TXNDC8: variants seen among roughly 807,000 people sequenced by gnomAD.
The protein encoded by TXNDC8 is thioredoxin domain-containing protein 8.
In TXNDC8, 15 loss-of-function variants were observed where a neutral mutation model predicts 12.9. The observed-to-expected ratio is 1.16, with a 90% CI of 0.78 to 1.79. The LOEUF (loss-of-function observed/expected upper bound fraction) is 1.79. TXNDC8 is among the 40% of genes most tolerant of loss of function. The pLI is 0.00. For missense variants in TXNDC8, 128 were observed against 113.2 expected (o/e 1.13, Z -0.59); for synonymous variants, 40 against 35.4 (o/e 1.13, Z -0.46).
At chr9:110,321,177 A>G (rs2118804116) in intron 3 of TXNDC8, among the ~76,000 whole-genome samples, 1 of 152,338 alleles carries the variant, frequency 6.6e-6, no homozygotes, top group African/African-American at 2.4e-5. Flanking sequence ...AAAATAATGA[A>G]ACCATTCAAG....
intron 3 of TXNDC8, among the ~76,000 whole-genome samples, chr9:110,311,532 T>G (rs1177938566): frequency 9.4e-6 from 1 of 106,660 alleles, no homozygotes; most frequent in African/African-American, 5.3e-5. Flanking sequence ...TATATATATA[T>G]ATATATATAT....
chr9:110,331,552 G>C lies in TXNDC8; in HGVS notation c.129+2664C>G, dbSNP rs1430577943. On this transcript the variant is annotated intron_variant, in intron 2 of 4. Transcript: ENST00000423740. ...TCCTTTTCTAATTTGGTTCTAATGT[G>C]GTTTATGTTTCTTGCTTTGATCTCT... 5.3e-5 allele frequency among the ~76,000 whole-genome samples: 8 copies of C among 152,086 alleles called. No homozygotes were observed. The East Asian group carries it at 1.5e-3, about 29-fold the overall frequency.
intron 3 of TXNDC8, among the ~76,000 whole-genome samples, chr9:110,320,777 G>C (rs1057278401): frequency 2.0e-5 from 3 of 152,170 alleles, no homozygotes; most frequent in African/African-American, 7.2e-5. Context: ...ACCAGACAAA[G>C]TTTTGGGTCC....
chr9:110,327,227 G>A (rs1036433854), intron 2 of TXNDC8, among the ~76,000 whole-genome samples: 1 of 151,868 alleles, frequency 6.6e-6, no homozygotes, highest in Non-Finnish European at 1.5e-5. Flanking sequence ...TAAACACAGA[G>A]TTACCATATT....
intron 3 of TXNDC8, among the ~76,000 whole-genome samples, chr9:110,314,613 T>C (rs1414037576): frequency 6.6e-6 from 1 of 151,932 alleles, no homozygotes; most frequent in African/African-American, 2.4e-5. Context: ...TTTGTATTTT[T>C]AGTAGAGACG....
chr9:110,308,264 C>A (rs1838534129), intron 3 of TXNDC8, among the ~76,000 whole-genome samples: 1 of 152,176 alleles, frequency 6.6e-6, no homozygotes, highest in Non-Finnish European at 1.5e-5. Flanking sequence ...TTCCTGCTTT[C>A]ATGATGATGG....
chr9:110,312,033 G>C (rs1188005129), intron 3 of TXNDC8, among the ~76,000 whole-genome samples: 1 of 151,516 alleles, frequency 6.6e-6, no homozygotes, highest in Non-Finnish European at 1.5e-5. Flanking sequence ...ATATCAAGCA[G>C]AGCAGGAGTT....
chr9:110,332,706 A>G (rs1035734044), intron 2 of TXNDC8, among the ~76,000 whole-genome samples: 2 of 152,226 alleles, frequency 1.3e-5, no homozygotes, highest in Non-Finnish European at 2.9e-5. Context: ...AAATAAATAT[A>G]TAAAATGTTA....
intron 3 of TXNDC8, among the ~76,000 whole-genome samples, chr9:110,311,566 C>CTA (rs1358597134): frequency 5.2e-4 from 39 of 75,666 alleles, no homozygotes; most frequent in African/African-American, 1.6e-3. Context: ...TATCTCCATA[C>CTA]TATATATATA....
At chr9:110,328,358 G>A (rs1423826427) in intron 2 of TXNDC8, among the ~76,000 whole-genome samples, 1 of 152,142 alleles carries the variant, frequency 6.6e-6, no homozygotes. Context: ...TTTTTGGGGG[G>A]ATGGGATGAG....
chr9:110,337,554 G>A (rs899543882), intron 1 of TXNDC8, among the ~76,000 whole-genome samples: 3 of 152,178 alleles, frequency 2.0e-5, no homozygotes, highest in Non-Finnish European at 4.4e-5. Context: ...AAAAGTCCAG[G>A]AGGAAGAAAG....
chr9:110,326,158 T>C lies in TXNDC8; in HGVS notation c.195+17A>G. 6.2e-7 allele frequency: 1 copy of C among 1,613,946 alleles called. No homozygotes were observed. The highest frequency in any genetic ancestry group is 8.5e-7 in the Non-Finnish European group (1 of 1,179,846). On this transcript the variant is annotated intron_variant, in intron 3 of 4. Transcript: ENST00000423740. ...CTATAATCTAATTCAACCCTGCTGGTTACCCTGGAAACATACCTTCTGGCT... is the reference window on the plus strand; with the variant it reads ...CTATAATCTAATTCAACCCTGCTGGCTACCCTGGAAACATACCTTCTGGCT...
chr9:110,318,545 C>T (rs1838969906), intron 3 of TXNDC8, among the ~76,000 whole-genome samples: 1 of 151,944 alleles, frequency 6.6e-6, no homozygotes, highest in South Asian at 2.1e-4. Context: ...GACCATCCTG[C>T]CTAACACGAT....
At chr9:110,337,730 T>G (rs1233482117) in intron 1 of TXNDC8, 43 bp downstream of exon 1, 2 of 1,594,470 alleles carry the variant, frequency 1.3e-6, no homozygotes, top group African/African-American at 2.7e-5. Context: ...GTTCCCAAGA[T>G]GTCCACATTT....
At chr9:110,318,670 G>A (rs1386371625) in intron 3 of TXNDC8, among the ~76,000 whole-genome samples, 1 of 152,008 alleles carries the variant, frequency 6.6e-6, no homozygotes, top group Admixed American at 6.5e-5. Context: ...GCCGGGAGGC[G>A]GAGCTTGCAG....
At position 110,337,841 on chromosome 9, in the gene TXNDC8, T is replaced by C; in HGVS notation, c.-45A>G. 1.3e-6 allele frequency: 2 copies of C among 1,597,684 alleles called. No individual in the cohort carries two copies. The highest frequency in any genetic ancestry group is 1.7e-6 in the Non-Finnish European group (2 of 1,165,454). On this transcript the variant is annotated 5_prime_UTR_variant, in exon 1 of 5. Coordinates refer to ENST00000423740, the MANE Select transcript of TXNDC8 (RefSeq NM_001286946.2). The stretch of plus-strand genomic sequence containing the variant: ...TGATGAAAATCCCCTGTTGGTTTAG[T>C]TGGATCACTGTAGCTGTCTCCTATT...
chr9:110,305,454 G>A (rs1470336604), intron 3 of TXNDC8, among the ~76,000 whole-genome samples: 1 of 152,134 alleles, frequency 6.6e-6, no homozygotes. Flanking sequence ...CATAAGCACT[G>A]ATTTCTGTTG....
intron 2 of TXNDC8, among the ~76,000 whole-genome samples, chr9:110,327,115 G>A (rs1486626722): frequency 6.6e-6 from 1 of 152,118 alleles, no homozygotes; most frequent in Non-Finnish European, 1.5e-5. Flanking sequence ...AATAACACAG[G>A]TTGGCAAGGA....
At chr9:110,331,869 C>T (rs540487501) in intron 2 of TXNDC8, among the ~76,000 whole-genome samples, 18 of 152,238 alleles carry the variant, frequency 1.2e-4, no homozygotes, top group East Asian at 9.7e-4. Flanking sequence ...TGGCCAGTTC[C>T]GAATAGGCCA....
Sources: gnomAD v4.1 joint callset for allele counts (sites outside exome capture counted in the v4.1 genomes callset) on GRCh38, gnomAD v4.1.1 for gene constraint, MANE v1.5 for transcripts, NCBI Gene and HGNC (gene_info 2026-07-23, HGNC 2026-07-21) for gene names.